EFR3A: variants seen among roughly 807,000 people sequenced by gnomAD.
EFR3A encodes protein EFR3 homolog A.
In EFR3A, 76 loss-of-function variants were observed where a neutral mutation model predicts 104.4. The ratio of observed to expected loss-of-function variants is 0.73; its 90% CI spans 0.60 to 0.88. The LOEUF is 0.88. Among genes scored for constraint, EFR3A ranks in the 40% least tolerant of loss-of-function variants. The probability of loss-of-function intolerance (pLI) is 0.00; values close to 1 mark genes in which losing one functional copy is unlikely to be tolerated. For missense variants in EFR3A, 985 were observed against 1,012.5 expected (o/e 0.97, Z 0.37); for synonymous variants, 330 against 330.0 (o/e 1.00, Z 0.00).
Position 131,970,685 on chromosome 8 carries a change from G to A in EFR3A, c.1159+42G>A, listed in dbSNP as rs771740234. On this transcript the variant is annotated intron_variant, in intron 10 of 22. Coordinates refer to ENST00000254624, the MANE Select transcript of EFR3A (RefSeq NM_015137.6). ...TTTCAAAACTATCATGTAAAACAGT[G>A]ATTTACAAAGCTCTCACATAAGGTC... The A allele has an allele frequency of 1.1e-5, 17 of 1,561,184 alleles. No individual in the cohort carries two copies. The African/African-American group carries it at 2.2e-4, about 20-fold the overall frequency.
At chr8:131,984,374 A>T (rs1820771647) in intron 15 of EFR3A, 74 bp downstream of exon 15, 1 of 1,348,568 alleles carries the variant, frequency 7.4e-7, no homozygotes, top group South Asian at 1.8e-5. Flanking sequence ...TGTTGCCGTT[A>T]TCCAAGGACA....
At chr8:131,989,238 C>G (rs1342792568) in intron 18 of EFR3A, among the ~76,000 whole-genome samples, 2 of 152,134 alleles carry the variant, frequency 1.3e-5, no homozygotes, top group African/African-American at 4.8e-5. Flanking sequence ...GATACTGAAT[C>G]TGTAATTAAA....
At chr8:131,908,349 C>T (rs1285733939) in intron 1 of EFR3A, among the ~76,000 whole-genome samples, 2 of 152,120 alleles carry the variant, frequency 1.3e-5, no homozygotes, top group Non-Finnish European at 1.5e-5. Context: ...TGTGAGCCAC[C>T]GCTCCCGGCC....
chr8:131,993,271 C>T (rs1415175066), intron 18 of EFR3A, among the ~76,000 whole-genome samples: 1 of 152,136 alleles, frequency 6.6e-6, no homozygotes, highest in Admixed American at 6.6e-5. Flanking sequence ...TGCTCAGACT[C>T]GCTGTACATA....
At chr8:131,960,470 T>C (rs1051282475) in intron 8 of EFR3A, among the ~76,000 whole-genome samples, 2 of 152,184 alleles carry the variant, frequency 1.3e-5, no homozygotes, top group African/African-American at 4.8e-5. Context: ...TATTTTACTA[T>C]TGTTTTATGA....
chr8:131,906,038 GTTTGT>G (rs1046209174), intron 1 of EFR3A, among the ~76,000 whole-genome samples: 4 of 152,192 alleles, frequency 2.6e-5, no homozygotes, highest in East Asian at 1.9e-4. Context: ...CAAGTGAAAT[GTTTGT>G]TTTATCTGTC....
intron 13 of EFR3A, 138 bp downstream of exon 13, chr8:131,979,157 TA>T: frequency 9.1e-7 from 1 of 1,094,504 alleles, no homozygotes; most frequent in African/African-American, 1.6e-5. Context: ...GGTATTGAGA[TA>T]ATTTAATCAA....
intron 1 of EFR3A, among the ~76,000 whole-genome samples, chr8:131,933,605 T>A (rs1817727498): frequency 6.6e-6 from 1 of 152,146 alleles, no homozygotes; most frequent in Non-Finnish European, 1.5e-5. Context: ...TTTGTGTAAC[T>A]CTGCTGAGTA....
chr8:131,981,194 T>C (rs1337630489), intron 14 of EFR3A, among the ~76,000 whole-genome samples: 2 of 152,028 alleles, frequency 1.3e-5, no homozygotes, highest in African/African-American at 4.8e-5. Flanking sequence ...TGCAATGACA[T>C]TAAACAGTCA....
At chr8:131,995,232 A>G (rs980097650) in intron 18 of EFR3A, among the ~76,000 whole-genome samples, 2 of 152,228 alleles carry the variant, frequency 1.3e-5, no homozygotes, top group African/African-American at 4.8e-5. Context: ...CCTAACTTTT[A>G]CTCACTCAGC....
At chr8:132,004,964 T>C (rs1821960863) in intron 22 of EFR3A, among the ~76,000 whole-genome samples, 1 of 152,230 alleles carries the variant, frequency 6.6e-6, no homozygotes, top group Non-Finnish European at 1.5e-5. Context: ...TTATAACTAA[T>C]TCTGTTTCAT....
chr8:131,962,665 A>G (rs2061466143), intron 8 of EFR3A, among the ~76,000 whole-genome samples: 1 of 152,186 alleles, frequency 6.6e-6, no homozygotes, highest in South Asian at 2.1e-4. Flanking sequence ...CAGAAAGTTA[A>G]CAAGGATATA....
intron 8 of EFR3A, among the ~76,000 whole-genome samples, chr8:131,967,709 T>TA (rs1819823156): frequency 6.6e-6 from 1 of 151,998 alleles, no homozygotes; most frequent in Non-Finnish European, 1.5e-5. Context: ...CTTTGTTAAT[T>TA]GCACATCTTT....
At chr8:131,938,449 T>C in intron 1 of EFR3A, 1 of 383,520 alleles carries the variant, frequency 2.6e-6, no homozygotes, top group South Asian at 1.4e-4. Flanking sequence ...GTCTTTGATA[T>C]AATTTTATAA....
intron 2 of EFR3A, among the ~76,000 whole-genome samples, chr8:131,941,872 G>A (rs555938298): frequency 9.9e-5 from 15 of 152,186 alleles, no homozygotes; most frequent in African/African-American, 3.6e-4. Context: ...TTGAAGCCTA[G>A]AGCAAGTTAT....
chr8:131,997,559 C>T (rs763799387), intron 19 of EFR3A, among the ~76,000 whole-genome samples: 12 of 152,028 alleles, frequency 7.9e-5, no homozygotes, highest in Admixed American at 4.6e-4. Flanking sequence ...TGAAACTCAA[C>T]GCATTAAGTC....
At chr8:131,905,400 G>T (rs1816204063) in intron 1 of EFR3A, among the ~76,000 whole-genome samples, 1 of 152,080 alleles carries the variant, frequency 6.6e-6, no homozygotes, top group Non-Finnish European at 1.5e-5. Flanking sequence ...TATAAAGATT[G>T]ATATTTTCCT....
At chr8:131,962,792 A>T (rs1237562704) in intron 8 of EFR3A, among the ~76,000 whole-genome samples, 1 of 152,206 alleles carries the variant, frequency 6.6e-6, no homozygotes, top group African/African-American at 2.4e-5. Context: ...CACCACACTT[A>T]TTCCAAAATT....
At chr8:131,973,712 T>G (rs1563680134) in intron 10 of EFR3A, among the ~76,000 whole-genome samples, 1 of 152,200 alleles carries the variant, frequency 6.6e-6, no homozygotes, top group Non-Finnish European at 1.5e-5. Context: ...CACTTTAAGT[T>G]ATCAGGCTGT....
Sources: allele counts gnomAD v4.1 joint callset (sites outside exome capture counted in the v4.1 genomes callset), GRCh38; gene constraint gnomAD v4.1.1; transcripts MANE v1.5; gene names NCBI Gene and HGNC (gene_info 2026-07-23, HGNC 2026-07-21).